DLGAP2: variants seen among roughly 807,000 people sequenced by gnomAD.
DLGAP2 encodes DLG associated protein 2, also known as disks large-associated protein 2.
In DLGAP2, 26 loss-of-function variants were observed where a neutral mutation model predicts 100.3. That is an observed-to-expected ratio of 0.26 (90% CI 0.19 to 0.36). DLGAP2 has a LOEUF of 0.36. Among genes scored for constraint, DLGAP2 ranks in the 10% least tolerant of loss-of-function variants. DLGAP2 has a pLI of 1.00. For missense variants in DLGAP2, 1,858 were observed against 1,453.2 expected, an observed-to-expected ratio of 1.28 and a Z score of -4.53; for synonymous variants, 886 against 630.1, an observed-to-expected ratio of 1.41 and a Z score of -6.08.
intron 2 of DLGAP2, among the ~76,000 whole-genome samples, chr8:1,077,776 G>T (rs1803668996): frequency 6.6e-6 from 1 of 152,214 alleles, no homozygotes; most frequent in African/African-American, 2.4e-5. Flanking sequence ...TCTTGGCATA[G>T]TTTATCAAAC....
At chr8:1,486,297 G>GCAAA (rs1396137255) in intron 3 of DLGAP2, among the ~76,000 whole-genome samples, 1 of 152,198 alleles carries the variant, frequency 6.6e-6, no homozygotes, top group Admixed American at 6.5e-5. Flanking sequence ...CAGTCTGCGT[G>GCAAA]TTCAAAGAGC....
chr8:1,191,194 CGG>C (rs1797627012), intron 2 of DLGAP2, among the ~76,000 whole-genome samples: 1 of 135,892 alleles, frequency 7.4e-6, no homozygotes, highest in Non-Finnish European at 1.6e-5. Flanking sequence ...TTTTTTGAGA[CGG>C]AATCTCACTC....
intron 2 of DLGAP2, among the ~76,000 whole-genome samples, chr8:1,097,278 G>T (rs112177887): frequency 7.5e-3 from 834 of 111,802 alleles, no homozygotes; most frequent in African/African-American, 0.026. Flanking sequence ...CTCTGCTCAG[G>T]AGAGTCCAGC....
intron 3 of DLGAP2, among the ~76,000 whole-genome samples, chr8:1,379,295 C>T (rs1423936520): frequency 6.6e-6 from 1 of 152,286 alleles, no homozygotes. Flanking sequence ...CGCTAAGTCA[C>T]CAGCTCAGTG....
intron 2 of DLGAP2, among the ~76,000 whole-genome samples, chr8:1,203,787 T>A (rs1180853610): frequency 6.6e-6 from 1 of 152,188 alleles, no homozygotes; most frequent in Non-Finnish European, 1.5e-5. Flanking sequence ...GCAGCCAATG[T>A]CACCTAAAGG....
chr8:1,463,718 C>G (rs972641513), intron 3 of DLGAP2, among the ~76,000 whole-genome samples: 1 of 152,240 alleles, frequency 6.6e-6, no homozygotes, highest in Non-Finnish European at 1.5e-5. Context: ...AGGCACTGGC[C>G]ACGTTGAACA....
At chr8:1,193,495 T>C (rs1452449619) in intron 2 of DLGAP2, among the ~76,000 whole-genome samples, 3 of 152,204 alleles carry the variant, frequency 2.0e-5, no homozygotes, top group Non-Finnish European at 4.4e-5. Flanking sequence ...CTGGTTTCTG[T>C]CACTTAGCAC....
chr8:890,136 A>T (rs4735824), intron 1 of DLGAP2, among the ~76,000 whole-genome samples: 3 of 151,872 alleles, frequency 2.0e-5, no homozygotes, highest in Admixed American at 6.6e-5. Context: ...AAGGATTCAC[A>T]TGCTTATTTT....
intron 2 of DLGAP2, among the ~76,000 whole-genome samples, chr8:936,254 A>T (rs1297673938): frequency 2.0e-5 from 3 of 152,158 alleles, no homozygotes; most frequent in Non-Finnish European, 4.4e-5. Context: ...GACTGCTCCC[A>T]TCAAGAAAGA....
At chr8:805,264 C>G (rs746634769) in intron 1 of DLGAP2, among the ~76,000 whole-genome samples, 2 of 152,194 alleles carry the variant, frequency 1.3e-5, no homozygotes, top group Non-Finnish European at 2.9e-5. Flanking sequence ...GTTCCCAACT[C>G]CATGACCATA....
At chr8:1,494,290 C>T (rs1340017870) in intron 3 of DLGAP2, among the ~76,000 whole-genome samples, 1 of 152,242 alleles carries the variant, frequency 6.6e-6, no homozygotes, top group African/African-American at 2.4e-5. Flanking sequence ...CCTTTTGCTT[C>T]CGCATTAGCA....
At chr8:1,085,713 C>A (rs537776791) in intron 2 of DLGAP2, among the ~76,000 whole-genome samples, 1 of 152,140 alleles carries the variant, frequency 6.6e-6, no homozygotes, top group South Asian at 2.1e-4. Context: ...ATTCCTCTAG[C>A]TTTGCTACTT....
chr8:1,499,128 C>T (rs73172574), intron 3 of DLGAP2, among the ~76,000 whole-genome samples: 7,843 of 152,326 alleles, frequency 0.051, 261 homozygotes, highest in Non-Finnish European at 0.08. Flanking sequence ...TCTTGGAGTG[C>T]TGTTCTCAAG....
At chr8:1,208,880 A>G (rs899376768) in intron 2 of DLGAP2, among the ~76,000 whole-genome samples, 3 of 149,958 alleles carry the variant, frequency 2.0e-5, no homozygotes, top group Non-Finnish European at 3.0e-5. Flanking sequence ...AAATAAATAA[A>G]TAAATAAATA....
At chr8:999,213 C>T (rs191799121) in intron 2 of DLGAP2, among the ~76,000 whole-genome samples, 9 of 151,796 alleles carry the variant, frequency 5.9e-5, no homozygotes, top group South Asian at 2.1e-4. Context: ...TTTCTCCTCC[C>T]GTGTCGGTGG....
At chr8:1,356,565 T>C (rs1801856790) in intron 3 of DLGAP2, among the ~76,000 whole-genome samples, 1 of 152,106 alleles carries the variant, frequency 6.6e-6, no homozygotes, top group Admixed American at 6.5e-5. Flanking sequence ...CTGTGAGAGT[T>C]ACCCTGTGGC....
intron 1 of DLGAP2, among the ~76,000 whole-genome samples, chr8:854,757 G>A (rs1585935478): frequency 6.6e-6 from 1 of 152,224 alleles, no homozygotes; most frequent in Admixed American, 6.5e-5. Context: ...GGATTCAGCT[G>A]TTGTAGGGCC....
At chr8:1,478,615 C>G (rs75358351) in intron 3 of DLGAP2, among the ~76,000 whole-genome samples, 1,839 of 151,892 alleles carry the variant, frequency 0.012, 17 homozygotes, top group Non-Finnish European at 0.019. Context: ...GCAGCCACCC[C>G]CACCCCACAA....
At chr8:1,494,042 C>CG (rs372804379) in intron 3 of DLGAP2, among the ~76,000 whole-genome samples, 1,663 of 98,192 alleles carry the variant, frequency 0.017, 22 homozygotes, top group African/African-American at 0.052. Flanking sequence ...CATTCTGCAT[C>CG]GGGGGGGGCA....
Sources: allele counts gnomAD v4.1 joint callset (sites outside exome capture counted in the v4.1 genomes callset), GRCh38; gene constraint gnomAD v4.1.1; transcripts MANE v1.5; gene names NCBI Gene and HGNC (gene_info 2026-07-23, HGNC 2026-07-21).